DAAM2: variants seen among roughly 807,000 people sequenced by gnomAD.
DAAM2 encodes disheveled-associated activator of morphogenesis 2.
A neutral mutation model predicts 120.7 loss-of-function variants in DAAM2; 39 were observed. The ratio of observed to expected loss-of-function variants is 0.32; its 90% CI spans 0.25 to 0.42. The LOEUF is 0.42. DAAM2 is among the 10% of genes least tolerant of loss of function. The pLI is 1.00. For missense variants in DAAM2, 1,283 were observed against 1,401.7 expected, an observed-to-expected ratio of 0.92 and a Z score of 1.35; for synonymous variants, 488 against 524.9, an observed-to-expected ratio of 0.93 and a Z score of 0.96.
chr6:39,861,114 A>G (rs1216452142), intron 3 of DAAM2, 97 bp downstream of exon 3: 2 of 890,408 alleles, frequency 2.2e-6, no homozygotes, highest in Non-Finnish European at 3.7e-6. Flanking sequence ...GATGTTTATT[A>G]CATGCCAGCC....
chr6:39,839,296 G>GT (rs909206899), intron 1 of DAAM2, among the ~76,000 whole-genome samples: 5 of 152,268 alleles, frequency 3.3e-5, no homozygotes, highest in Admixed American at 1.3e-4. Context: ...TGGGGAACTT[G>GT]TTAAAATGCA....
Position 39,901,354 on chromosome 6 carries a change from A to G in DAAM2, c.2864A>G (p.Asp955Gly). The G allele has an allele frequency of 1.9e-6, 3 of 1,613,904 alleles. No homozygotes were observed. The highest frequency in any genetic ancestry group is 2.5e-6 in the Non-Finnish European group (3 of 1,179,866). The stretch of plus-strand genomic sequence containing the variant: ...GAGCATGACAGCAAGATGCAGCCAG[A>G]CGAATTCTTTGGCATCTTTGATACC... The part of the protein sequence containing the change: ...FGEHDSKMQP[D>G]EFFGIFDTFL... Residue 955 changes from aspartate (D) to glycine (G), a missense_variant, in exon 24 of 25, where the codon GAC (aspartate) becomes GGC (glycine). Asp to Gly is a moderately conservative substitution (Grantham distance 94, BLOSUM62 -1). Coordinates refer to ENST00000274867, the MANE Select transcript of DAAM2 (RefSeq NM_001201427.2). The surrounding 1 kb of genome is among the most constrained non-coding windows in gnomAD (Gnocchi z 4.5).
chr6:39,901,739 C>G lies in DAAM2; in HGVS notation c.2983-74C>G. 1 of 1,370,468 alleles carries G rather than the reference C, an allele frequency of 7.3e-7. No homozygotes were observed. The highest frequency in any genetic ancestry group is 9.7e-7 in the Non-Finnish European group (1 of 1,033,304). The allele number at this position is 1,370,468 out of a possible 1,614,324, so 84.9% of individuals were successfully genotyped here. Reference sequence around the variant, plus strand: ...GCATGACCATGGCCTAGGAGTTAGCCCAGGGTTGGGGGGCTGCCCTGGCCT... The same window carrying G: ...GCATGACCATGGCCTAGGAGTTAGCGCAGGGTTGGGGGGCTGCCCTGGCCT... On this transcript the variant is annotated intron_variant, in intron 24 of 24. Coordinates refer to ENST00000274867, the MANE Select transcript of DAAM2 (RefSeq NM_001201427.2). This position sits in a 1 kb window ranked among gnomAD's most constrained non-coding sequence, Gnocchi z 4.5.
chr6:39,879,452 C>T lies in DAAM2; in HGVS notation c.1820C>T (p.Ser607Phe). 6.2e-7 allele frequency: 1 copy of T among 1,614,022 alleles called. No individual in the cohort carries two copies. Among genetic ancestry groups the T allele is most frequent in the Non-Finnish European group, 8.5e-7 (1 of 1,179,888 alleles). The change falls in exon 14 of 25, where the codon TCC becomes TTC. Residue 607 changes from serine (S) to phenylalanine (F), a missense_variant. Physicochemically the swap from Ser to Phe is radical, Grantham distance 155. This residue lies in a region of DAAM2 where 748 missense variants were observed against 768.6 expected (regional missense o/e 0.97). Transcript: ENST00000274867. ...CCCCAGCCTTCTCACCCACTGAAGTCCTTCAACTGGGTGAAGCTGAATGAG... is the reference window on the plus strand; with the variant it reads ...CCCCAGCCTTCTCACCCACTGAAGTTCTTCAACTGGGTGAAGCTGAATGAG... ...RVPQPSHPLK[S>F]FNWVKLNEER...
At chr6:39,887,890 A>T (rs929374896) in intron 16 of DAAM2, 1 of 360,124 alleles carries the variant, frequency 2.8e-6, no homozygotes, top group African/African-American at 2.1e-5. Context: ...TCAGCCCCTA[A>T]GCATTTCCCG....
intron 19 of DAAM2, among the ~76,000 whole-genome samples, chr6:39,891,991 A>T (rs1765753612): frequency 1.3e-5 from 2 of 152,338 alleles, no homozygotes; most frequent in African/African-American, 4.8e-5. Context: ...CATCTGCCCC[A>T]GCATGGGATG....
At chr6:39,899,463 C>G (rs527792313) in intron 22 of DAAM2, 94 of 163,176 alleles carry the variant, frequency 5.8e-4, no homozygotes, top group Admixed American at 8.6e-4. Flanking sequence ...GCCAGACTGG[C>G]CCAGTATGGG....
At chr6:39,834,074 T>G (rs1763015285) in intron 1 of DAAM2, among the ~76,000 whole-genome samples, 1 of 152,312 alleles carries the variant, frequency 6.6e-6, no homozygotes, top group South Asian at 2.1e-4. Flanking sequence ...AGGCTTTTGC[T>G]GCTTCTCAGA....
At chr6:39,830,130 A>T (rs780973801) in intron 1 of DAAM2, among the ~76,000 whole-genome samples, 48 of 152,180 alleles carry the variant, frequency 3.2e-4, no homozygotes, top group Non-Finnish European at 3.2e-4. Flanking sequence ...CCTACAGTGC[A>T]CAGTGTCTGG....
At chr6:39,832,771 G>A (rs1388632570) in intron 1 of DAAM2, among the ~76,000 whole-genome samples, 1 of 152,152 alleles carries the variant, frequency 6.6e-6, no homozygotes, top group Admixed American at 6.5e-5. Flanking sequence ...GTTCTCCACG[G>A]AGCTGTACCT....
intron 1 of DAAM2, chr6:39,818,977 T>C (rs1316386507): frequency 6.6e-6 from 1 of 152,200 alleles, no homozygotes; most frequent in Non-Finnish European, 1.5e-5. Context: ...ACACCCTTTT[T>C]CAGTGATGCC....
chr6:39,888,471 C>T (rs545030194), intron 16 of DAAM2: 1 of 448,436 alleles, frequency 2.2e-6, no homozygotes, highest in South Asian at 4.7e-5. Context: ...ACCCTCACGT[C>T]TCTATTTTGA....
intron 14 of DAAM2, among the ~76,000 whole-genome samples, chr6:39,883,141 C>T (rs913985594): frequency 6.7e-6 from 1 of 150,090 alleles, no homozygotes; most frequent in Non-Finnish European, 1.5e-5. Context: ...GCTTGGCTGG[C>T]TGTGCTCTGG....
At chr6:39,833,074 C>T (rs1359773679) in intron 1 of DAAM2, among the ~76,000 whole-genome samples, 3 of 152,104 alleles carry the variant, frequency 2.0e-5, no homozygotes, top group Non-Finnish European at 4.4e-5. Flanking sequence ...GGTTTATCCA[C>T]GTGACCTTTC....
Position 39,851,430 on chromosome 6 carries a change from A to C in DAAM2, c.-56-4817A>C, listed in dbSNP as rs138019068. On this transcript the variant is annotated intron_variant, in intron 1 of 24. Transcript: ENST00000274867. ...TCTATAAAATGAAGCCAGTTATCTCAGAGAGTTGTCGAGGGAATAAAATGT... is the reference window on the plus strand; with the variant it reads ...TCTATAAAATGAAGCCAGTTATCTCCGAGAGTTGTCGAGGGAATAAAATGT... 3.3e-3 allele frequency among the ~76,000 whole-genome samples: 499 copies of C among 152,294 alleles called. 1 individual carries two copies. Among genetic ancestry groups the C allele is most frequent in the African/African-American group, 0.011 (462 of 41,550 alleles).
intron 9 of DAAM2, among the ~76,000 whole-genome samples, chr6:39,872,212 G>C (rs770199090): frequency 6.6e-6 from 1 of 152,140 alleles, no homozygotes; most frequent in Non-Finnish European, 1.5e-5. Flanking sequence ...TCAAATGCCA[G>C]TCTCTTTGGG....
At chr6:39,797,811 G>T (rs1365384610) in intron 1 of DAAM2, among the ~76,000 whole-genome samples, 1 of 152,220 alleles carries the variant, frequency 6.6e-6, no homozygotes, top group East Asian at 1.9e-4. Flanking sequence ...TGTATCCCTG[G>T]AGCCTAGGAG....
chr6:39,891,430 C>T lies in DAAM2; in HGVS notation c.2235C>T (p.Phe745=). The part of the protein sequence containing the change: ...EIERMARADR[F]LYEMSRIDHY... ...AGCGGATGGCCCGTGCTGACCGCTT[C>T]CTCTATGAAATGAGCAGGTTGGGCC... Residue 745 remains phenylalanine (F), a synonymous_variant, in exon 18 of 25, where the codon TTC becomes TTT. Transcript: ENST00000274867. The T allele has an allele frequency of 2.5e-6, 4 of 1,607,984 alleles. No homozygotes were observed. Among genetic ancestry groups the T allele is most frequent in the Non-Finnish European group, 2.5e-6 (3 of 1,176,922 alleles).
At chr6:39,853,669 A>C (rs1763896138) in intron 1 of DAAM2, among the ~76,000 whole-genome samples, 1 of 152,146 alleles carries the variant, frequency 6.6e-6, no homozygotes, top group Non-Finnish European at 1.5e-5. Flanking sequence ...GGTAAGAGGG[A>C]GACTAGGGAA....
Sources: gnomAD v4.1 joint callset for allele counts (sites outside exome capture counted in the v4.1 genomes callset) on GRCh38, gnomAD v4.1.1 for gene constraint, gnomAD v4.1.1 regional missense constraint, Gnocchi (gnomAD v3.1) non-coding constraint, MANE v1.5 for transcripts, NCBI Gene and HGNC (gene_info 2026-07-23, HGNC 2026-07-21) for gene names.